METTL15: variants seen among roughly 807,000 people sequenced by gnomAD.
METTL15 encodes 12S rRNA N(4)-cytidine methyltransferase METTL15.
METTL15 carries 34 observed loss-of-function variants against 38.3 expected under a neutral mutation model. That is an observed-to-expected ratio of 0.89 (90% CI 0.68 to 1.18). METTL15 has a LOEUF of 1.18. Among genes scored for constraint, METTL15 ranks in the 50% most tolerant of loss-of-function variants. The probability of loss-of-function intolerance (pLI) is 0.00; values close to 1 mark genes in which losing one functional copy is unlikely to be tolerated. For synonymous variants in METTL15, 162 were observed against 170.9 expected (o/e 0.95, Z 0.41); for missense variants, 438 against 498.4 (o/e 0.88, Z 1.15).
At chr11:28,313,407 A>T (rs914348892) in intron 6 of METTL15, among the ~76,000 whole-genome samples, 5 of 152,044 alleles carry the variant, frequency 3.3e-5, no homozygotes, top group Non-Finnish European at 7.4e-5. Context: ...GAATTCATAA[A>T]TATGAATTCA....
intron 3 of METTL15, among the ~76,000 whole-genome samples, chr11:28,157,137 C>T (rs1413592131): frequency 6.6e-6 from 1 of 152,170 alleles, no homozygotes; most frequent in Non-Finnish European, 1.5e-5. Context: ...GGTATTCCTT[C>T]TAAAGTGAAG....
chr11:28,167,994 T>C (rs1213435832), intron 3 of METTL15, among the ~76,000 whole-genome samples: 1 of 152,148 alleles, frequency 6.6e-6, no homozygotes, highest in Non-Finnish European at 1.5e-5. Flanking sequence ...TTTTTTAGAA[T>C]TAAAATTAGA....
intron 4 of METTL15, among the ~76,000 whole-genome samples, chr11:28,230,204 C>CT (rs1037505478): frequency 6.6e-6 from 1 of 151,666 alleles, no homozygotes; most frequent in Non-Finnish European, 1.5e-5. Context: ...TAAATAAACT[C>CT]TTTTTTTCTC....
intron 4 of METTL15, among the ~76,000 whole-genome samples, chr11:28,223,033 G>T (rs1853312745): frequency 1.3e-5 from 2 of 152,068 alleles, no homozygotes; most frequent in Admixed American, 6.6e-5. Flanking sequence ...AGGATGTGCA[G>T]AAAAGGATAC....
At chr11:28,504,507 GA>G (rs2133494561) in intron 6 of METTL15, among the ~76,000 whole-genome samples, 1 of 152,248 alleles carries the variant, frequency 6.6e-6, no homozygotes, top group African/African-American at 2.4e-5. Context: ...AGATGTTAAA[GA>G]AAATCCAAGA....
At chr11:28,164,435 C>T (rs1289066529) in intron 3 of METTL15, among the ~76,000 whole-genome samples, 2 of 151,962 alleles carry the variant, frequency 1.3e-5, no homozygotes, top group Non-Finnish European at 2.9e-5. Context: ...GTGGGTGAAA[C>T]TGACATTGCC....
chr11:28,443,158 G>A (rs7111851), intron 6 of METTL15, among the ~76,000 whole-genome samples: 64,272 of 151,972 alleles, frequency 0.42, 14,990 homozygotes, highest in Admixed American at 0.54. Flanking sequence ...AGGAAAGTGG[G>A]ATTAAAAGAA....
At chr11:28,270,771 G>A (rs1855611252) in intron 4 of METTL15, among the ~76,000 whole-genome samples, 1 of 152,018 alleles carries the variant, frequency 6.6e-6, no homozygotes, top group Non-Finnish European at 1.5e-5. Flanking sequence ...ATTAGACCTG[G>A]TAATTCTCCT....
At chr11:28,485,445 A>C (rs1262397615) in intron 6 of METTL15, among the ~76,000 whole-genome samples, 1 of 152,168 alleles carries the variant, frequency 6.6e-6, no homozygotes, top group Non-Finnish European at 1.5e-5. Flanking sequence ...ATAAAAACCA[A>C]ATCGCTAAGA....
intron 5 of METTL15, among the ~76,000 whole-genome samples, chr11:28,387,543 C>G (rs1006360431): frequency 6.6e-6 from 1 of 151,844 alleles, no homozygotes; most frequent in Non-Finnish European, 1.5e-5. Flanking sequence ...GAGATTAAAT[C>G]GGTAATTAAA....
At chr11:28,490,922 C>G (rs1231445297) in intron 6 of METTL15, among the ~76,000 whole-genome samples, 1 of 151,948 alleles carries the variant, frequency 6.6e-6, no homozygotes, top group Admixed American at 6.6e-5. Flanking sequence ...GAAACTGGTC[C>G]CAGGATTAGA....
chr11:28,147,957 C>G (rs11030225), intron 3 of METTL15, among the ~76,000 whole-genome samples: 6,076 of 151,720 alleles, frequency 0.04, 190 homozygotes, highest in Middle Eastern at 0.065. Flanking sequence ...GGTTTTTTAC[C>G]TACAATTGAG....
intron 3 of METTL15, among the ~76,000 whole-genome samples, chr11:28,164,906 G>A (rs1850602474): frequency 6.6e-6 from 1 of 151,946 alleles, no homozygotes; most frequent in Non-Finnish European, 1.5e-5. Context: ...CTAACTCTAT[G>A]AGTTACACTT....
intron 6 of METTL15, among the ~76,000 whole-genome samples, chr11:28,482,588 T>G (rs1178901564): frequency 6.6e-6 from 1 of 152,342 alleles, no homozygotes; most frequent in Non-Finnish European, 1.5e-5. Flanking sequence ...GTGTATTAGC[T>G]TATTAGCTCC....
intron 3 of METTL15, chr11:28,123,872 A>T (rs745751213): frequency 2.1e-5 from 31 of 1,480,290 alleles, no homozygotes; most frequent in Non-Finnish European, 2.6e-5. Flanking sequence ...CAAAAGAAGT[A>T]AACTGTGGAT....
At position 28,300,677 on chromosome 11, in the gene METTL15, A is replaced by G. The variant is rs546066347; in HGVS notation, c.778+3746A>G. Among the ~76,000 whole-genome samples the G allele has an allele frequency of 2.4e-4, 37 of 152,282 alleles. No individual in the cohort carries two copies. The South Asian group carries it at 7.7e-3, about 32-fold the overall frequency. ...GTAGGATTTCACTGTTCTTACTACC[A>G]CACATGTTCATACATATGCTATTCA... On this transcript the variant is annotated intron_variant, in intron 6 of 6. Coordinates refer to ENST00000407364, the MANE Select transcript of METTL15 (RefSeq NM_001113528.2).
rs148437454 is a variant in METTL15 at position 28,472,651 on chromosome 11, C to G, written c.*424+48287C>G. Among the ~76,000 whole-genome samples the G allele has an allele frequency of 3.9e-3, 586 of 152,148 alleles. 6 individuals carry two copies. The highest frequency in any genetic ancestry group is 0.013 in the African/African-American group (545 of 41,500). On this transcript the variant is annotated intron_variant and NMD_transcript_variant, in intron 6 of 7. Coordinates refer to the METTL15 transcript ENST00000532947. ...TAATAAAAATTACACAGAGAAAGAC[C>G]TCTGGAAGACTAGCTGGGGAAATAA...
At chr11:28,239,065 C>G (rs776796477) in intron 4 of METTL15, among the ~76,000 whole-genome samples, 2 of 151,962 alleles carry the variant, frequency 1.3e-5, no homozygotes, top group Non-Finnish European at 2.9e-5. Context: ...GGCCTCTTTT[C>G]TATTTACACT....
intron 1 of METTL15, among the ~76,000 whole-genome samples, chr11:28,109,417 T>C (rs1307508752): frequency 6.6e-6 from 1 of 152,212 alleles, no homozygotes; most frequent in East Asian, 1.9e-4. Context: ...AGGTATTTTA[T>C]TAGTCCCTTT....
Sources: gnomAD v4.1 joint callset for allele counts (sites outside exome capture counted in the v4.1 genomes callset) on GRCh38, gnomAD v4.1.1 for gene constraint, MANE v1.5 for transcripts, NCBI Gene and HGNC (gene_info 2026-07-23, HGNC 2026-07-21) for gene names.